PRDM6: variants seen among roughly 807,000 people sequenced by gnomAD.
The protein encoded by PRDM6 is PR/SET domain 6, also known as putative histone-lysine N-methyltransferase PRDM6.
Under a neutral mutation model 60.8 loss-of-function variants are expected in PRDM6, and 25 were observed. That is an observed-to-expected ratio of 0.41 (90% CI 0.30 to 0.57). The LOEUF (loss-of-function observed/expected upper bound fraction) is 0.57, where lower values mean the gene tolerates loss of function less well. Among genes scored for constraint, PRDM6 ranks in the 20% least tolerant of loss-of-function variants. The pLI is 0.27. For missense variants in PRDM6, 839 were observed against 821.3 expected (o/e 1.02, Z -0.26); for synonymous variants, 407 against 357.4 (o/e 1.14, Z -1.57).
chr5:123,094,432 TTC>T (rs3037346), intron 2 of PRDM6, among the ~76,000 whole-genome samples: 8,556 of 147,150 alleles, frequency 0.058, 235 homozygotes, highest in Middle Eastern at 0.1. Flanking sequence ...GCTTTTGTGT[TTC>T]TCTCTCTCTC....
intron 6 of PRDM6, 40 bp from the exon 7 acceptor site, chr5:123,180,107 G>A (rs922941958): frequency 1.1e-5 from 16 of 1,488,692 alleles, no homozygotes; most frequent in South Asian, 2.7e-5. Context: ...ACTGACCAAC[G>A]CAGAAAACAA....
intron 5 of PRDM6, among the ~76,000 whole-genome samples, chr5:123,160,225 T>C (rs1325400509): frequency 6.6e-6 from 1 of 152,268 alleles, no homozygotes; most frequent in African/African-American, 2.4e-5. Flanking sequence ...AATTTTCTCC[T>C]ATCTTTATTA....
intron 3 of PRDM6, among the ~76,000 whole-genome samples, chr5:123,142,347 G>A (rs456335): frequency 0.064 from 9,805 of 152,146 alleles, 339 homozygotes; most frequent in Non-Finnish European, 0.072. Context: ...TGACTTAGTA[G>A]GTCATACAGT....
chr5:123,176,414 A>G (rs2126887703), intron 6 of PRDM6, among the ~76,000 whole-genome samples: 1 of 152,308 alleles, frequency 6.6e-6, no homozygotes, highest in South Asian at 2.1e-4. Context: ...AAGTGCTTTA[A>G]AAAGGAGATT....
rs1320165969 is a variant in PRDM6 at position 123,099,811 on chromosome 5, C to G, written c.750C>G (p.Leu250=). 3 of 1,550,046 alleles carry G rather than the reference C, an allele frequency of 1.9e-6. 1 individual carries two copies. In the South Asian group the frequency reaches 3.6e-5, roughly 18 times the overall value. ...GGGACCTGCCTCGCGAGGTGTGCCT[C>G]TGCACCAGTACTGTGCCCGGCCTGG... ...WLRDLPREVC[L]CTSTVPGLAY... The change falls in exon 3 of 8, where the codon CTC becomes CTG. Residue 250 remains leucine, a synonymous_variant. Transcript: ENST00000407847. The surrounding 1 kb of genome is among the most constrained non-coding windows in gnomAD (Gnocchi z 4.0).
chr5:123,174,739 A>AT (rs1194744014), intron 6 of PRDM6, among the ~76,000 whole-genome samples: 1 of 151,740 alleles, frequency 6.6e-6, no homozygotes. Flanking sequence ...TGTTTTATTT[A>AT]TTTTTTTTAA....
rs545956389 is a variant in PRDM6, at chr5:123,188,341, G to T, written c.*1140G>T. The T allele has an allele frequency of 6.6e-6, 1 of 152,284 alleles. No individual in the cohort carries two copies. Among genetic ancestry groups the T allele is most frequent in the Admixed American group, 6.5e-5 (1 of 15,308 alleles). The allele number at this position is 152,284 out of a possible 1,614,324, so 9.4% of individuals were successfully genotyped here. A position where few individuals can be genotyped will look rare whatever the true frequency, so the allele number is the denominator to read the frequency against. On this transcript the variant is annotated 3_prime_UTR_variant, in exon 8 of 8. Transcript: ENST00000407847. ...CAGGAGCAGCTAATTTTATCAATAG[G>T]ATTACTTTGTCTTTTCTTGAGATTG...
intron 3 of PRDM6, among the ~76,000 whole-genome samples, chr5:123,117,782 G>T (rs562421997): frequency 1.3e-5 from 2 of 151,572 alleles, no homozygotes; most frequent in South Asian, 4.2e-4. Flanking sequence ...TTGCTCATTT[G>T]CTTTGCATGT....
chr5:123,179,862 A>G (rs1766105605), intron 6 of PRDM6, among the ~76,000 whole-genome samples: 1 of 152,168 alleles, frequency 6.6e-6, no homozygotes, highest in Admixed American at 6.5e-5. Context: ...GTACCCTAAC[A>G]TTTGCCTGGG....
intron 5 of PRDM6, among the ~76,000 whole-genome samples, chr5:123,161,770 T>C (rs1199842228): frequency 6.6e-6 from 1 of 152,208 alleles, no homozygotes; most frequent in Non-Finnish European, 1.5e-5. Context: ...TGGCTCTAAC[T>C]CTGTGTGAGC....
chr5:123,150,957 A>C (rs908396194), intron 3 of PRDM6, among the ~76,000 whole-genome samples: 1 of 152,210 alleles, frequency 6.6e-6, no homozygotes, highest in Non-Finnish European at 1.5e-5. Flanking sequence ...CTAGTTGTTA[A>C]TACTTAGAAT....
rs1369246196 is a variant in PRDM6 at position 123,152,120 on chromosome 5, A to G, written c.901-3764A>G. Among the ~76,000 whole-genome samples, 4 of 152,314 alleles carry G rather than the reference A, an allele frequency of 2.6e-5. No individual in the cohort carries two copies. The South Asian group carries it at 8.3e-4, about 32-fold the overall frequency. Reference sequence around the variant, plus strand: ...AAGCACAGGAGTGATGAATGTTTGCAGTGTTTCTAGGCTGTCACTTCAAAC... The same window carrying G: ...AAGCACAGGAGTGATGAATGTTTGCGGTGTTTCTAGGCTGTCACTTCAAAC... On this transcript the variant is annotated intron_variant, in intron 3 of 7. Coordinates refer to ENST00000407847, the MANE Select transcript of PRDM6 (RefSeq NM_001136239.4).
chr5:123,166,069 A>G lies in PRDM6; in HGVS notation c.1154-4697A>G, dbSNP rs532685490. 4.3e-4 allele frequency among the ~76,000 whole-genome samples: 66 copies of G among 152,270 alleles called. 1 individual carries two copies. Among genetic ancestry groups the G allele is most frequent in the Admixed American group, 4.3e-3 (66 of 15,296 alleles). On this transcript the variant is annotated intron_variant, in intron 5 of 7. Transcript: ENST00000407847. ...CGCCCCCACCATCCTCTGTTGTGTT[A>G]ACCTGCCTCCCGTCACCCCGTCAGA... is the stretch of plus-strand genomic sequence containing the variant.
chr5:123,123,720 C>T (rs549604039), intron 3 of PRDM6, among the ~76,000 whole-genome samples: 3 of 152,210 alleles, frequency 2.0e-5, no homozygotes, highest in African/African-American at 7.2e-5. Context: ...CTCTTAATGC[C>T]ACTCTGATAA....
chr5:123,173,551 C>T (rs928735086), intron 6 of PRDM6: 1 of 167,054 alleles, frequency 6.0e-6, no homozygotes, highest in African/African-American at 2.4e-5. Context: ...CAGTGGGTTC[C>T]TTCCCTGCAG....
In PRDM6 at chr5:123,121,101, G is replaced by T. The variant is rs1389033899; in HGVS notation, c.900+21140G>T. On this transcript the variant is annotated intron_variant, in intron 3 of 7. Coordinates refer to ENST00000407847, the MANE Select transcript of PRDM6 (RefSeq NM_001136239.4). ...ACAAAAATGTAAAATTTCTTACTTT[G>T]TGCAAAAGAGCAGGGTCCTGAAAAG... Among the ~76,000 whole-genome samples the T allele has an allele frequency of 3.9e-5, 6 of 152,010 alleles. No homozygotes were observed. The East Asian group carries it at 1.2e-3, about 29-fold the overall frequency.
At chr5:123,148,315 ATTAC>A (rs1765293594) in intron 3 of PRDM6, among the ~76,000 whole-genome samples, 1 of 152,206 alleles carries the variant, frequency 6.6e-6, no homozygotes, top group Non-Finnish European at 1.5e-5. Flanking sequence ...TGGGGTATTT[ATTAC>A]TTGACCTTTG....
intron 5 of PRDM6, among the ~76,000 whole-genome samples, chr5:123,166,328 G>A (rs750554795): frequency 2.0e-5 from 3 of 152,106 alleles, no homozygotes; most frequent in Non-Finnish European, 4.4e-5. Flanking sequence ...TATGATGCCC[G>A]TGTACCCCTC....
chr5:123,140,847 G>A (rs1013369302), intron 3 of PRDM6, among the ~76,000 whole-genome samples: 4 of 151,976 alleles, frequency 2.6e-5, no homozygotes, highest in African/African-American at 9.7e-5. Flanking sequence ...ATAAACAGAA[G>A]GCAAGTTGTT....
Sources: allele counts gnomAD v4.1 joint callset (sites outside exome capture counted in the v4.1 genomes callset), GRCh38; gene constraint gnomAD v4.1.1; non-coding constraint Gnocchi (gnomAD v3.1); transcripts MANE v1.5; gene names NCBI Gene and HGNC (gene_info 2026-07-23, HGNC 2026-07-21).